Variants in PTK2 observed in about 807,000 individuals in gnomAD.
The protein encoded by PTK2 is protein tyrosine kinase 2.
A neutral mutation model predicts 150.1 loss-of-function variants in PTK2; 45 were observed. The ratio of observed to expected loss-of-function variants is 0.30; its 90% CI spans 0.24 to 0.38. The LOEUF is 0.38. Ranked by LOEUF, PTK2 falls within the 10% of genes least tolerant of loss-of-function variation. The pLI, the probability that PTK2 is intolerant of heterozygous loss-of-function variation, is 1.00. For synonymous variants in PTK2, 432 were observed against 449.2 expected, an observed-to-expected ratio of 0.96 and a Z score of 0.48; for missense variants, 919 against 1,307.3, an observed-to-expected ratio of 0.70 and a Z score of 4.58.
At chr8:140,943,471 T>C (rs2100176555) in intron 1 of PTK2, among the ~76,000 whole-genome samples, 2 of 152,236 alleles carry the variant, frequency 1.3e-5, no homozygotes, top group South Asian at 4.1e-4. Context: ...AATCTGTTTA[T>C]CCATTTACCA....
intron 20 of PTK2, among the ~76,000 whole-genome samples, chr8:140,742,303 G>A (rs1168855781): frequency 6.6e-6 from 1 of 152,194 alleles, no homozygotes; most frequent in Admixed American, 6.5e-5. Flanking sequence ...CATTGGAGCT[G>A]ATTTGAATTT....
intron 5 of PTK2, among the ~76,000 whole-genome samples, chr8:140,851,090 C>G (rs1205432091): frequency 6.6e-6 from 1 of 152,200 alleles, no homozygotes; most frequent in African/African-American, 2.4e-5. Flanking sequence ...GGTTTACTTA[C>G]TAGCTGGGTG....
rs1362487121 is a variant in PTK2 at position 140,782,242 on chromosome 8, T to TG, written c.1177+7231dup. 6.8e-5 allele frequency among the ~76,000 whole-genome samples: 8 copies of TG among 117,460 alleles called. No homozygotes were observed. The East Asian group carries it at 1.6e-3, about 23-fold the overall frequency. The allele number at this position is 117,460 out of a possible 152,430, so 77.1% of individuals were successfully genotyped here. A position where few individuals can be genotyped will look rare whatever the true frequency, so the allele number is the denominator to read the frequency against. ...ATGAATTTATCTTTTAAAATTTGGTTGTTTTTTTTTTTGGGGGGGGGGACA... is the reference window on the plus strand; with the variant it reads ...ATGAATTTATCTTTTAAAATTTGGTTGGTTTTTTTTTTTGGGGGGGGGGACA... On this transcript the variant is annotated intron_variant, in intron 14 of 31. Coordinates refer to ENST00000522684, the Ensembl canonical transcript of PTK2.
intron 23 of PTK2, among the ~76,000 whole-genome samples, chr8:140,710,317 G>A (rs1296913700): frequency 1.6e-5 from 2 of 127,960 alleles, no homozygotes; most frequent in Non-Finnish European, 3.2e-5. Context: ...GCAACAGAGC[G>A]AGACCTTGTC....
intron 10 of PTK2, among the ~76,000 whole-genome samples, chr8:140,805,631 TC>T (rs1323511818): frequency 6.6e-6 from 1 of 151,800 alleles, no homozygotes; most frequent in African/African-American, 2.4e-5. Context: ...TCTCACTGAT[TC>T]TTCTCCCTTT....
intron 14 of PTK2, among the ~76,000 whole-genome samples, chr8:140,786,661 C>A (rs777797985): frequency 6.6e-6 from 1 of 151,880 alleles, no homozygotes; most frequent in African/African-American, 2.4e-5. Context: ...AAGAAATATA[C>A]CACACTTGTT....
chr8:140,741,935 T>C (rs1162438015), intron 20 of PTK2, among the ~76,000 whole-genome samples: 3 of 152,128 alleles, frequency 2.0e-5, no homozygotes, highest in Non-Finnish European at 4.4e-5. Flanking sequence ...GCCCAGGAGT[T>C]TGATCAAAGA....
At chr8:140,906,043 A>T (rs1356281295) in intron 2 of PTK2, among the ~76,000 whole-genome samples, 4 of 152,000 alleles carry the variant, frequency 2.6e-5, no homozygotes, top group African/African-American at 7.2e-5. Flanking sequence ...ATCCTGTTTT[A>T]AAAATGGGCA....
chr8:140,864,455 A>G, intron 4 of PTK2, 56 bp from the exon 5 acceptor site: 1 of 1,031,068 alleles, frequency 9.7e-7, no homozygotes. Flanking sequence ...CTCAATTTAC[A>G]GTCTACAATT....
At chr8:140,809,850 T>G (rs1279698942) in intron 10 of PTK2, among the ~76,000 whole-genome samples, 1 of 152,218 alleles carries the variant, frequency 6.6e-6, no homozygotes, top group Non-Finnish European at 1.5e-5. Flanking sequence ...GATAAACACC[T>G]GCCGTTTAAA....
chr8:140,707,398 T>TA (rs1231452077), intron 23 of PTK2, among the ~76,000 whole-genome samples: 1 of 152,154 alleles, frequency 6.6e-6, no homozygotes, highest in African/African-American at 2.4e-5. Context: ...CTGAATATAC[T>TA]AAAAAAACAT....
At position 140,830,916 on chromosome 8, in the gene PTK2, T is replaced by C. The variant is rs188286124; in HGVS notation, c.594-390A>G. 2.3e-3 allele frequency among the ~76,000 whole-genome samples: 346 copies of C among 152,164 alleles called. 1 individual carries two copies. Among genetic ancestry groups the C allele is most frequent in the African/African-American group, 6.6e-3 (274 of 41,486 alleles). ...GGTAATACTGTATTTGTAGAGAAAATAGCTAGCCTGATTAGTAAATGATTC... is the reference window on the plus strand; with the variant it reads ...GGTAATACTGTATTTGTAGAGAAAACAGCTAGCCTGATTAGTAAATGATTC... On this transcript the variant is annotated intron_variant, in intron 7 of 31. Transcript: ENST00000522684.
At chr8:140,741,624 C>A (rs1333532693) in intron 20 of PTK2, among the ~76,000 whole-genome samples, 1 of 151,934 alleles carries the variant, frequency 6.6e-6, no homozygotes, top group African/African-American at 2.4e-5. Flanking sequence ...ATATAAAAAT[C>A]AAATACCCTA....
At chr8:140,659,889 T>G (rs1464107119) in intron 31 of PTK2, among the ~76,000 whole-genome samples, 2 of 152,238 alleles carry the variant, frequency 1.3e-5, no homozygotes, top group African/African-American at 4.8e-5. Context: ...TATGAGCCTT[T>G]CTTTCAGTGC....
intron 1 of PTK2, among the ~76,000 whole-genome samples, chr8:140,992,449 C>T (rs1001428662): frequency 1.3e-5 from 2 of 152,044 alleles, no homozygotes; most frequent in Non-Finnish European, 2.9e-5. Flanking sequence ...CAGCCTGTGC[C>T]ACAGAGCAAG....
chr8:140,722,302 TCTAA>T (rs2100043352), intron 22 of PTK2, among the ~76,000 whole-genome samples: 2 of 152,214 alleles, frequency 1.3e-5, no homozygotes, highest in South Asian at 4.2e-4. Context: ...TGAGACAGGG[TCTAA>T]CTCTGTAGCC....
chr8:140,898,594 G>A (rs2100157235), intron 2 of PTK2, among the ~76,000 whole-genome samples: 1 of 152,104 alleles, frequency 6.6e-6, no homozygotes, highest in Non-Finnish European at 1.5e-5. Context: ...ACTAACCTCT[G>A]GAGTTAAGCT....
Position 140,890,927 on chromosome 8 carries a change from G to A in PTK2, c.-32-158C>T, listed in dbSNP as rs946415875. ...AGAGACCTAATCCACTAAAATAATA[G>A]CTGTCTCTCCCCATACCCAGAGTAG... On this transcript the variant is annotated intron_variant, in intron 2 of 31. Transcript: ENST00000522684. Among the ~76,000 whole-genome samples the A allele has an allele frequency of 3.9e-5, 6 of 152,050 alleles. No homozygotes were observed. The East Asian group carries it at 1.2e-3, about 29-fold the overall frequency.
At chr8:140,766,284 C>T (rs1422477230) in intron 14 of PTK2, among the ~76,000 whole-genome samples, 1 of 152,190 alleles carries the variant, frequency 6.6e-6, no homozygotes, top group African/African-American at 2.4e-5. Context: ...CAGGTGTCTA[C>T]TGCCTTAATG....
Sources: gnomAD v4.1 joint callset for allele counts (sites outside exome capture counted in the v4.1 genomes callset) on GRCh38, gnomAD v4.1.1 for gene constraint, MANE v1.5 for transcripts, NCBI Gene and HGNC (gene_info 2026-07-23, HGNC 2026-07-21) for gene names.